Variants in FBN1 observed in about 807,000 individuals in gnomAD.
FBN1 encodes the protein fibrillin 1, also known as fibrillin-1.
FBN1 carries 29 observed loss-of-function variants against 365.1 expected under a neutral mutation model. That is an observed-to-expected ratio of 0.08 (90% confidence interval 0.06 to 0.11). The LOEUF (loss-of-function observed/expected upper bound fraction) is 0.11, where lower values mean the gene tolerates loss of function less well. FBN1 is among the 10% of genes least tolerant of loss of function. The pLI, the probability that FBN1 is intolerant of heterozygous loss-of-function variation, is 1.00. For synonymous variants in FBN1, 1,210 were observed against 1,270.5 expected (o/e 0.95, Z 1.01); for missense variants, 2,476 against 3,703.2 (o/e 0.67, Z 8.60).
chr15:48,435,182 C>T (rs1011620258), intron 53 of FBN1, among the ~76,000 whole-genome samples: 9 of 152,202 alleles, frequency 5.9e-5, no homozygotes, highest in African/African-American at 2.2e-4. Context: ...CCGTGAAATT[C>T]GACTTGCTCA....
chr15:48,544,595 G>A lies in FBN1; in HGVS notation c.539-6787C>T, dbSNP rs76447023. On this transcript the variant is annotated intron_variant, in intron 6 of 65. Coordinates refer to ENST00000316623, the MANE Select transcript of FBN1 (RefSeq NM_000138.5). ...TGTTGTACACCTTTTAATCTAACAT[G>A]CAGACTAAGCAATTCACCAAAATCC... Among the ~76,000 whole-genome samples, 608 of 152,264 alleles carry A rather than the reference G, an allele frequency of 4.0e-3. 2 individuals are homozygous for A. The highest frequency in any genetic ancestry group is 6.4e-3 in the Non-Finnish European group (436 of 68,008).
At chr15:48,519,909 T>G (rs2043836467) in intron 10 of FBN1, among the ~76,000 whole-genome samples, 1 of 152,220 alleles carries the variant, frequency 6.6e-6, no homozygotes. Flanking sequence ...GGAAATATTT[T>G]TGGACATCTT....
chr15:48,559,515 G>A (rs1004719235), intron 6 of FBN1, among the ~76,000 whole-genome samples: 5 of 152,100 alleles, frequency 3.3e-5, no homozygotes, highest in Admixed American at 6.6e-5. Flanking sequence ...GCCAGGGTCC[G>A]GAGCAAAGCA....
At chr15:48,612,120 G>A (rs2044661207) in intron 3 of FBN1, among the ~76,000 whole-genome samples, 1 of 152,130 alleles carries the variant, frequency 6.6e-6, no homozygotes, top group Non-Finnish European at 1.5e-5. Context: ...ATCCAATTTT[G>A]GTCTTAGACC....
intron 2 of FBN1, among the ~76,000 whole-genome samples, chr15:48,636,197 T>C (rs1890087482): frequency 6.6e-6 from 1 of 152,198 alleles, no homozygotes; most frequent in Non-Finnish European, 1.5e-5. Flanking sequence ...GAAGAAAGTC[T>C]GGTAGTTCCC....
At chr15:48,443,070 T>C (rs1174180832) in intron 49 of FBN1, among the ~76,000 whole-genome samples, 2 of 152,170 alleles carry the variant, frequency 1.3e-5, no homozygotes, top group Non-Finnish European at 2.9e-5. Flanking sequence ...ATAAATATTC[T>C]AGAAATGTGC....
intron 9 of FBN1, among the ~76,000 whole-genome samples, chr15:48,524,493 G>A (rs1348524328): frequency 6.6e-6 from 1 of 152,136 alleles, no homozygotes; most frequent in African/African-American, 2.4e-5. Context: ...TTACCATGGA[G>A]GGAAATAGGA....
chr15:48,569,837 G>C (rs2044292915), intron 6 of FBN1, among the ~76,000 whole-genome samples: 2 of 152,024 alleles, frequency 1.3e-5, no homozygotes, highest in East Asian at 1.9e-4. Flanking sequence ...AATCTTTTGG[G>C]GGATGACCGA....
chr15:48,527,132 CTCT>C (rs557420118), intron 8 of FBN1, among the ~76,000 whole-genome samples: 211 of 152,330 alleles, frequency 1.4e-3, no homozygotes, highest in Middle Eastern at 0.01. Context: ...ACGCTCTTGC[CTCT>C]TCCTCTTCTC....
chr15:48,537,905 A>C, intron 6 of FBN1, 97 bp from the exon 7 acceptor site: 1 of 1,237,664 alleles, frequency 8.1e-7, no homozygotes, highest in Admixed American at 1.8e-5. Flanking sequence ...CTCCAAATTG[A>C]GAAATGAATT....
intron 42 of FBN1, among the ~76,000 whole-genome samples, chr15:48,461,743 A>C (rs2043281679): frequency 1.3e-5 from 2 of 152,238 alleles, no homozygotes; most frequent in South Asian, 4.1e-4. Context: ...CAGGCTGTAC[A>C]GTCAGTCAAA....
chr15:48,493,018 G>A (rs929528888), intron 23 of FBN1, among the ~76,000 whole-genome samples: 2 of 152,156 alleles, frequency 1.3e-5, no homozygotes, highest in African/African-American at 4.8e-5. Context: ...TCCCACCAAG[G>A]AATATGTGGG....
Position 48,621,189 on chromosome 15 carries a change from G to C in FBN1, c.165-8097C>G, listed in dbSNP as rs78520578. 0.015 allele frequency among the ~76,000 whole-genome samples: 2,289 copies of C among 152,242 alleles called. 208 individuals carry two copies. In the East Asian group the frequency reaches 0.24, roughly 16 times the overall value. On this transcript the variant is annotated intron_variant, in intron 2 of 65. Coordinates refer to ENST00000316623, the MANE Select transcript of FBN1 (RefSeq NM_000138.5). ...TTTCAAATAATTTTGTAGATGCTCTGCCTTCAAAAAGATGAAGCATAACTC... is the reference window on the plus strand; with the variant it reads ...TTTCAAATAATTTTGTAGATGCTCTCCCTTCAAAAAGATGAAGCATAACTC...
chr15:48,481,381 G>T (rs1239732996), intron 32 of FBN1, among the ~76,000 whole-genome samples: 4 of 152,036 alleles, frequency 2.6e-5, no homozygotes, highest in Non-Finnish European at 4.4e-5. Context: ...ATGAAAATGT[G>T]ATTTTTAACC....
chr15:48,420,647 T>C, intron 63 of FBN1, 40 bp downstream of exon 63: 1 of 1,613,122 alleles, frequency 6.2e-7, no homozygotes, highest in Non-Finnish European at 8.5e-7. Flanking sequence ...TCATAGGACC[T>C]GATAGCCATG....
chr15:48,462,965 T>C (rs1350725670), intron 42 of FBN1, 117 bp downstream of exon 42: 1 of 1,044,982 alleles, frequency 9.6e-7, no homozygotes, highest in Admixed American at 1.8e-5. Context: ...GAGCCGTTTT[T>C]TTCCCTGTAA....
chr15:48,524,154 C>A (rs939004245), intron 9 of FBN1, among the ~76,000 whole-genome samples: 8 of 152,056 alleles, frequency 5.3e-5, no homozygotes, highest in African/African-American at 1.9e-4. Flanking sequence ...AAAAAGACAA[C>A]CCTACAGGCA....
intron 2 of FBN1, chr15:48,641,276 C>T (rs1435351757): frequency 1.3e-5 from 2 of 150,586 alleles, no homozygotes; most frequent in African/African-American, 4.9e-5. Flanking sequence ...TGTGGAACAA[C>T]TTTTGCTGCC....
intron 56 of FBN1, among the ~76,000 whole-genome samples, chr15:48,428,674 T>C (rs1397449511): frequency 6.6e-6 from 1 of 151,662 alleles, no homozygotes; most frequent in East Asian, 1.9e-4. Context: ...TTTGAATCAC[T>C]AATCTGTTCA....
Sources: allele counts gnomAD v4.1 joint callset (sites outside exome capture counted in the v4.1 genomes callset), GRCh38; gene constraint gnomAD v4.1.1; transcripts MANE v1.5; gene names NCBI Gene and HGNC (gene_info 2026-07-23, HGNC 2026-07-21).